SUPV3L1: variants seen among roughly 807,000 people sequenced by gnomAD.
The protein encoded by SUPV3L1 is ATP-dependent RNA helicase SUPV3L1, mitochondrial.
Under a neutral mutation model 70.0 loss-of-function variants are expected in SUPV3L1, and 35 were observed. The ratio of observed to expected loss-of-function variants is 0.50; its 90% CI spans 0.38 to 0.66. SUPV3L1 has a LOEUF of 0.66. Ranked by LOEUF, SUPV3L1 falls within the 30% of genes least tolerant of loss-of-function variation. SUPV3L1 has a pLI of 0.00. For missense variants in SUPV3L1, 777 were observed against 961.5 expected (o/e 0.81, Z 2.54); for synonymous variants, 364 against 341.9 (o/e 1.06, Z -0.71).
At chr10:69,196,765 T>G (rs1842554468) in intron 7 of SUPV3L1, among the ~76,000 whole-genome samples, 2 of 152,154 alleles carry the variant, frequency 1.3e-5, no homozygotes, top group Admixed American at 1.3e-4. Flanking sequence ...AGTTGAAACT[T>G]TGGCCAAAGC....
chr10:69,202,353 G>A, intron 11 of SUPV3L1, 86 bp from the exon 12 acceptor site: 1 of 1,128,708 alleles, frequency 8.9e-7, no homozygotes, highest in Non-Finnish European at 1.3e-6. Flanking sequence ...GCCTGAATGG[G>A]ACTTTATCGT....
chr10:69,202,090 T>C (rs1036070441), intron 11 of SUPV3L1, among the ~76,000 whole-genome samples: 12 of 152,032 alleles, frequency 7.9e-5, no homozygotes, highest in East Asian at 1.9e-4. Context: ...CCGCCCACCT[T>C]GGCCTCCCAA....
At chr10:69,189,089 A>G (rs1475706598) in intron 4 of SUPV3L1, among the ~76,000 whole-genome samples, 178 bp from the exon 5 acceptor site, 2 of 152,214 alleles carry the variant, frequency 1.3e-5, no homozygotes, top group African/African-American at 4.8e-5. Context: ...AGTAAATGCT[A>G]TTCTTGGAAA....
chr10:69,180,264 G>T lies in SUPV3L1; in HGVS notation c.-28G>T, dbSNP rs779148843. 8 of 1,602,598 alleles carry T rather than the reference G, an allele frequency of 5.0e-6. No homozygotes were observed. The highest frequency in any genetic ancestry group is 1.7e-5 in the Admixed American group (1 of 59,178). On this transcript the variant is annotated 5_prime_UTR_variant, in exon 1 of 15. Coordinates refer to ENST00000359655, the MANE Select transcript of SUPV3L1 (RefSeq NM_003171.5). ...TGTCCGCCGCCGTGTCCGCGGCTGC[G>T]CCAGACAGTGTAGAACCTGCGGCCT...
At chr10:69,191,986 T>G in intron 6 of SUPV3L1, 1 of 378,412 alleles carries the variant, frequency 2.6e-6, no homozygotes, top group South Asian at 3.3e-5. Context: ...TTTGTATTTT[T>G]ACTAGAGACG....
intron 1 of SUPV3L1, among the ~76,000 whole-genome samples, chr10:69,183,729 C>A (rs375212908): frequency 6.6e-6 from 1 of 152,120 alleles, no homozygotes; most frequent in African/African-American, 2.4e-5. Context: ...CTAGAAAGCT[C>A]ACCCTTTAAA....
At chr10:69,182,214 C>CA (rs1175355965) in intron 1 of SUPV3L1, among the ~76,000 whole-genome samples, 1 of 151,980 alleles carries the variant, frequency 6.6e-6, no homozygotes, top group Non-Finnish European at 1.5e-5. Context: ...AGGCTGGTCT[C>CA]AAACTTCTGG....
chr10:69,200,646 A>C lies in SUPV3L1; in HGVS notation c.1518+147A>C, dbSNP rs1027408128. 14 of 662,816 alleles carry C rather than the reference A, an allele frequency of 2.1e-5. No individual in the cohort carries two copies. In the Admixed American group the frequency reaches 4.2e-4, roughly 20 times the overall value. The allele number at this position is 662,816 out of a possible 1,614,324, so 41.1% of individuals were successfully genotyped here. A position where few individuals can be genotyped will look rare whatever the true frequency, so the allele number is the denominator to read the frequency against. ...TGTGCCATGAAAACTGCATTAAAAA[A>C]AGCCCTACTTTATTGCTTTGGAGAG... On this transcript the variant is annotated intron_variant, in intron 11 of 14. Transcript: ENST00000359655.
chr10:69,194,540 C>T (rs911086944), intron 6 of SUPV3L1, among the ~76,000 whole-genome samples: 10 of 151,804 alleles, frequency 6.6e-5, no homozygotes, highest in Non-Finnish European at 1.2e-4. Context: ...TTAGTGGAGA[C>T]GGGGTTTCAC....
Position 69,186,009 on chromosome 10 carries a change from C to T in SUPV3L1, c.294C>T (p.Asp98=). 1 of 1,613,534 alleles carries T rather than the reference C, an allele frequency of 6.2e-7. No homozygotes were observed. The highest frequency in any genetic ancestry group is 8.5e-7 in the Non-Finnish European group (1 of 1,179,682). The change falls in exon 2 of 15, where the codon GAC becomes GAT. Residue 98 remains aspartate (D), a synonymous_variant. Coordinates refer to ENST00000359655, the MANE Select transcript of SUPV3L1 (RefSeq NM_003171.5). ...LDKNEVKKVL[D]KFYKRKEIQK... ...TAGATGAAGTAAAGAAGGTCTTAGA[C>T]AAATTTTACAAGAGGAAAGAAATTC...
intron 13 of SUPV3L1, among the ~76,000 whole-genome samples, chr10:69,204,766 T>C (rs1337344026): frequency 1.3e-5 from 2 of 150,064 alleles, no homozygotes; most frequent in African/African-American, 4.9e-5. Flanking sequence ...CATTTCCCCA[T>C]AAAAAATTAT....
At chr10:69,194,421 G>T (rs1589383427) in intron 6 of SUPV3L1, among the ~76,000 whole-genome samples, 1 of 150,458 alleles carries the variant, frequency 6.6e-6, no homozygotes, top group South Asian at 2.1e-4. Flanking sequence ...GTGCAATCTT[G>T]GCTCACTGCA....
intron 13 of SUPV3L1, 49 bp downstream of exon 13, chr10:69,203,092 G>T (rs1338235856): frequency 8.5e-6 from 13 of 1,537,702 alleles, no homozygotes; most frequent in Non-Finnish European, 1.1e-5. Context: ...GTTGATGCAG[G>T]TTCCCCAAAC....
chr10:69,192,261 C>CT (rs1008518630), intron 6 of SUPV3L1: 3 of 152,844 alleles, frequency 2.0e-5, no homozygotes, highest in Admixed American at 6.5e-5. Context: ...AGTTCTTTCC[C>CT]TTTTTCTCTT....
chr10:69,203,607 T>C (rs1046065105), intron 13 of SUPV3L1, among the ~76,000 whole-genome samples: 3 of 143,848 alleles, frequency 2.1e-5, no homozygotes, highest in Admixed American at 7.0e-5. Flanking sequence ...GAGGTTGCAG[T>C]GAGCCAAGAT....
chr10:69,200,428 G>T lies in SUPV3L1; in HGVS notation c.1447G>T (p.Val483Phe), dbSNP rs773846894. The change falls in exon 11 of 15, where the codon GTT becomes TTT. Residue 483 changes from valine to phenylalanine, a missense_variant. Val to Phe is a conservative substitution (Grantham distance 50). Coordinates refer to ENST00000359655, the MANE Select transcript of SUPV3L1 (RefSeq NM_003171.5). ...CAGCTCACGGTTTAAAGAAGGAGAG[G>T]TTACAACAATGAATCATGAAGATCT... ...RFSSRFKEGE[V>F]TTMNHEDLSL... 6.8e-6 allele frequency: 11 copies of T among 1,613,972 alleles called. No individual in the cohort carries two copies. The highest frequency in any genetic ancestry group is 3.3e-5 in the Admixed American group (2 of 59,988).
chr10:69,207,979 A>G (rs759256877), intron 14 of SUPV3L1, 38 bp downstream of exon 14: 1 of 1,596,420 alleles, frequency 6.3e-7, no homozygotes, highest in South Asian at 1.1e-5. Flanking sequence ...TCATTTTTCT[A>G]GTAGGACAAA....
chr10:69,200,277 C>T lies in SUPV3L1; in HGVS notation c.1299-3C>T. ...TGCAGGATCACTTTTATTTCTGTTT[C>T]AGGAGCATAAGGAGAATTATTTTTT... is the stretch of plus-strand genomic sequence containing the variant. On this transcript the variant is annotated splice_polypyrimidine_tract_variant and splice_region_variant and intron_variant, in intron 10 of 14. Transcript: ENST00000359655. 2 of 1,611,292 alleles carry T rather than the reference C, an allele frequency of 1.2e-6. No homozygotes were observed. Among genetic ancestry groups the T allele is most frequent in the South Asian group, 1.1e-5 (1 of 90,892 alleles).
chr10:69,184,613 A>AC (rs1842163614), intron 1 of SUPV3L1, among the ~76,000 whole-genome samples: 3 of 118,634 alleles, frequency 2.5e-5, no homozygotes, highest in Non-Finnish European at 5.2e-5. Flanking sequence ...TCTGAAATAT[A>AC]AATACACACA....
Sources: allele counts gnomAD v4.1 joint callset (sites outside exome capture counted in the v4.1 genomes callset), GRCh38; gene constraint gnomAD v4.1.1; transcripts MANE v1.5; gene names NCBI Gene and HGNC (gene_info 2026-07-23, HGNC 2026-07-21).